The following ZBTB41 variants were observed in gnomAD, a reference collection of about 807,000 sequenced individuals.
ZBTB41 encodes the protein zinc finger and BTB domain containing 41, also known as zinc finger and BTB domain-containing protein 41.
Under a neutral mutation model 87.6 loss-of-function variants are expected in ZBTB41, and 42 were observed. The ratio of observed to expected loss-of-function variants is 0.48; its 90% CI spans 0.37 to 0.62. ZBTB41 has a LOEUF of 0.62. Among genes scored for constraint, ZBTB41 ranks in the 20% least tolerant of loss-of-function variants. The pLI is 0.00. For synonymous variants in ZBTB41, 364 were observed against 364.0 expected, an observed-to-expected ratio of 1.00 and a Z score of 0.00; for missense variants, 799 against 1,078.9, an observed-to-expected ratio of 0.74 and a Z score of 3.63.
chr1:197,162,601 C>G (rs1659227697), intron 10 of ZBTB41, among the ~76,000 whole-genome samples: 1 of 152,240 alleles, frequency 6.6e-6, no homozygotes, highest in Middle Eastern at 3.4e-3. Flanking sequence ...TTCAGACTTA[C>G]ATCATATCAT....
At chr1:197,167,324 A>G (rs1472718489) in intron 10 of ZBTB41, among the ~76,000 whole-genome samples, 2 of 152,102 alleles carry the variant, frequency 1.3e-5, no homozygotes, top group African/African-American at 4.8e-5. Context: ...CCTTTAGAGT[A>G]GCTCAGACTA....
At chr1:197,162,493 T>C (rs1214796677) in intron 10 of ZBTB41, among the ~76,000 whole-genome samples, 2 of 152,132 alleles carry the variant, frequency 1.3e-5, no homozygotes, top group African/African-American at 2.4e-5. Flanking sequence ...TCTATGAGCC[T>C]TTAGAATTTA....
At chr1:197,171,107 A>G (rs1300146101) in intron 10 of ZBTB41, among the ~76,000 whole-genome samples, 1 of 152,136 alleles carries the variant, frequency 6.6e-6, no homozygotes, top group Non-Finnish European at 1.5e-5. Context: ...CAAGTTGTAC[A>G]GTTCTTAAAT....
At chr1:197,175,431 AATATATAT>A (rs67302873) in intron 8 of ZBTB41, among the ~76,000 whole-genome samples, 1 of 71,558 alleles carries the variant, frequency 1.4e-5, no homozygotes, top group African/African-American at 4.0e-5. Context: ...AGGAATTTTA[AATATATAT>A]ATATATATAT....
At position 197,159,564 on chromosome 1, in the gene ZBTB41, T is replaced by C. The variant is rs1315943156; in HGVS notation, c.2525A>G (p.Gln842Arg). 6.2e-7 allele frequency: 1 copy of C among 1,613,980 alleles called. No individual in the cohort carries two copies. Among genetic ancestry groups the C allele is most frequent in the African/African-American group, 1.3e-5 (1 of 75,040 alleles). Residue 842 changes from glutamine to arginine, a missense_variant, in exon 11 of 11, where the codon CAG becomes CGG. Physicochemically the swap from Gln to Arg is conservative, Grantham distance 43. Around this residue, in one of 5 missense-constraint regions of ZBTB41, gnomAD observed 171 missense variants for 191.9 expected, o/e 0.89. Coordinates refer to ENST00000367405, the MANE Select transcript of ZBTB41 (RefSeq NM_194314.3). ...TCGTGGATAATCAGTTGACTGTGGC[T>C]GTGGTGACAGAATCTCATGAGAAGA... ...PPSSHEILSP[Q>R]PQSTDYPRAA...
chr1:197,180,183 CT>C (rs1659709366), intron 6 of ZBTB41, among the ~76,000 whole-genome samples: 1 of 152,058 alleles, frequency 6.6e-6, no homozygotes, highest in South Asian at 2.1e-4. Flanking sequence ...TATATCAACA[CT>C]TACCACTGTG....
intron 7 of ZBTB41, among the ~76,000 whole-genome samples, chr1:197,178,036 T>G (rs965344439): frequency 6.6e-6 from 1 of 151,990 alleles, no homozygotes; most frequent in East Asian, 1.9e-4. Flanking sequence ...CAGAAGACTT[T>G]TGAAAATTGA....
At position 197,200,505 on chromosome 1, in the gene ZBTB41, C is replaced by T. The variant is rs1263111292; in HGVS notation, c.-32G>A. 2.6e-6 allele frequency: 4 copies of T among 1,533,662 alleles called. No homozygotes were observed. Among genetic ancestry groups the T allele is most frequent in the Non-Finnish European group, 3.5e-6 (4 of 1,146,694 alleles). On this transcript the variant is annotated 5_prime_UTR_variant, in exon 2 of 11. The change abolishes an upstream ATG in the 5' untranslated region. Coordinates refer to ENST00000367405, the MANE Select transcript of ZBTB41 (RefSeq NM_194314.3). Reference sequence around the variant, plus strand: ...ACAGCAATTTCAGAACAAGAAACTTCATAAGTGTCTTAAGTGATTTATAAA... The same window carrying T: ...ACAGCAATTTCAGAACAAGAAACTTTATAAGTGTCTTAAGTGATTTATAAA...
intron 6 of ZBTB41, 141 bp downstream of exon 6, chr1:197,180,847 C>T: frequency 1.1e-6 from 1 of 897,054 alleles, no homozygotes; most frequent in East Asian, 3.0e-5. Context: ...TTGTGTAATT[C>T]CTTTTTTCCT....
At chr1:197,174,107 T>C (rs1451141943) in intron 9 of ZBTB41, among the ~76,000 whole-genome samples, 2 of 152,138 alleles carry the variant, frequency 1.3e-5, no homozygotes, top group Non-Finnish European at 2.9e-5. Flanking sequence ...ATAAATTCTG[T>C]AGGGCCTTGC....
In ZBTB41 at chr1:197,190,814, G is replaced by T; in HGVS notation, c.1346C>A (p.Ala449Glu). The change falls in exon 4 of 11, where the codon GCA (alanine) becomes GAA (glutamate). Residue 449 changes from alanine to glutamate, a missense_variant. Coordinates refer to ENST00000367405, the MANE Select transcript of ZBTB41 (RefSeq NM_194314.3). ...CTTCTTAATGGAAATAAATTCTTGTGCATTTTCAGGATGAAATCTATCAGA... is the reference window on the plus strand; with the variant it reads ...CTTCTTAATGGAAATAAATTCTTGTTCATTTTCAGGATGAAATCTATCAGA... Reference protein sequence around the residue: ...KHVKRFHPENAQEFISIKKTK... With the variant: ...KHVKRFHPENEQEFISIKKTK... 1 of 1,586,296 alleles carries T rather than the reference G, an allele frequency of 6.3e-7. No homozygotes were observed. The highest frequency in any genetic ancestry group is 8.6e-7 in the Non-Finnish European group (1 of 1,162,290).
chr1:197,200,578 A>C lies in ZBTB41; in HGVS notation c.-105T>G. The C allele has an allele frequency of 8.5e-7, 1 of 1,182,164 alleles. No individual in the cohort carries two copies. The highest frequency in any genetic ancestry group is 1.7e-5 in the South Asian group (1 of 59,008). 73.2% of individuals were successfully genotyped at this position (1,182,164 alleles called of 1,614,324 possible). A position where few individuals can be genotyped will look rare whatever the true frequency, so the allele number is the denominator to read the frequency against. ...AACAGCTTCTGAAGGGGCGTGCCCAAGGGTTTCATGGTCTGCAAAAGAGTG... is the reference window on the plus strand; with the variant it reads ...AACAGCTTCTGAAGGGGCGTGCCCACGGGTTTCATGGTCTGCAAAAGAGTG... On this transcript the variant is annotated 5_prime_UTR_variant, in exon 2 of 11. Transcript: ENST00000367405.
chr1:197,191,970 A>G, intron 2 of ZBTB41, 71 bp from the exon 3 acceptor site: 1 of 1,269,646 alleles, frequency 7.9e-7, no homozygotes, highest in Non-Finnish European at 1.1e-6. Context: ...TGAGAGTGGA[A>G]TAAAACCTCA....
chr1:197,162,329 AT>A (rs890634725), intron 10 of ZBTB41, among the ~76,000 whole-genome samples: 2 of 152,194 alleles, frequency 1.3e-5, no homozygotes, highest in African/African-American at 4.8e-5. Flanking sequence ...AAAATTATGT[AT>A]TTAACAATAA....
At chr1:197,177,994 T>A (rs1659653682) in intron 7 of ZBTB41, among the ~76,000 whole-genome samples, 1 of 151,990 alleles carries the variant, frequency 6.6e-6, no homozygotes. Flanking sequence ...ACCACAGAAA[T>A]AACTAAATAA....
intron 5 of ZBTB41, among the ~76,000 whole-genome samples, chr1:197,187,898 A>C (rs1441631905): frequency 1.3e-5 from 2 of 152,200 alleles, no homozygotes; most frequent in Non-Finnish European, 2.9e-5. Flanking sequence ...AAGCACAGGG[A>C]AATTTCGGGG....
At position 197,159,228 on chromosome 1, in the gene ZBTB41, T is replaced by C. The variant is rs114550651; in HGVS notation, c.*131A>G. Reference sequence around the variant, plus strand: ...AGTAAACAGAGACACATAGTTTTCTTGATTTGAAACTGTTCTGAGGACTTG... The same window carrying C: ...AGTAAACAGAGACACATAGTTTTCTCGATTTGAAACTGTTCTGAGGACTTG... On this transcript the variant is annotated 3_prime_UTR_variant, in exon 11 of 11. Transcript: ENST00000367405. The C allele has an allele frequency of 0.017, 14,229 of 860,598 alleles. 157 individuals carry two copies. The highest frequency in any genetic ancestry group is 0.02 in the Non-Finnish European group (11,547 of 566,862). The allele number at this position is 860,598 out of a possible 1,614,324, so 53.3% of individuals were successfully genotyped here. A position where few individuals can be genotyped will look rare whatever the true frequency, so the allele number is the denominator to read the frequency against.
At position 197,200,489 on chromosome 1, in the gene ZBTB41, T is replaced by C. The variant is rs1421626250; in HGVS notation, c.-16A>G. On this transcript the variant is annotated 5_prime_UTR_variant, in exon 2 of 11. Coordinates refer to ENST00000367405, the MANE Select transcript of ZBTB41 (RefSeq NM_194314.3). The stretch of plus-strand genomic sequence containing the variant: ...TCTTCTTCATTGCAGTACAGCAATT[T>C]CAGAACAAGAAACTTCATAAGTGTC... 1 of 1,550,520 alleles carries C rather than the reference T, an allele frequency of 6.4e-7. No individual in the cohort carries two copies. Among genetic ancestry groups the C allele is most frequent in the Non-Finnish European group, 8.7e-7 (1 of 1,154,986 alleles).
intron 5 of ZBTB41, among the ~76,000 whole-genome samples, chr1:197,186,957 T>C (rs1231489116): frequency 1.3e-5 from 2 of 151,866 alleles, no homozygotes; most frequent in Non-Finnish European, 2.9e-5. Flanking sequence ...TAAATAAACA[T>C]GAAAAGATGC....
Sources: gnomAD v4.1 joint callset for allele counts (sites outside exome capture counted in the v4.1 genomes callset) on GRCh38, gnomAD v4.1.1 for gene constraint, gnomAD v4.1.1 regional missense constraint, MANE v1.5 for transcripts, NCBI Gene and HGNC (gene_info 2026-07-23, HGNC 2026-07-21) for gene names.